The following MEGF8 variants were observed in gnomAD, a reference collection of about 807,000 sequenced individuals.
The protein encoded by MEGF8 is multiple EGF like domains 8.
In MEGF8, 156 loss-of-function variants were observed where a neutral mutation model predicts 302.9. The ratio of observed to expected loss-of-function variants is 0.52; its 90% CI spans 0.45 to 0.59. The LOEUF (loss-of-function observed/expected upper bound fraction) is 0.59, where lower values mean the gene tolerates loss of function less well. MEGF8 is among the 20% of genes least tolerant of loss of function. The pLI is 0.00. For synonymous variants in MEGF8, 1,621 were observed against 1,660.5 expected (o/e 0.98, Z 0.58); for missense variants, 3,345 against 3,964.5 (o/e 0.84, Z 4.20).
At chr19:42,338,326 A>T (rs764470827) in intron 8 of MEGF8, among the ~76,000 whole-genome samples, 41 of 149,850 alleles carry the variant, frequency 2.7e-4, no homozygotes, top group Middle Eastern at 3.5e-3. Context: ...TGCAACTTCC[A>T]CCTCCTGGGT....
In MEGF8 at chr19:42,362,224, G is replaced by C; in HGVS notation, c.5844+11G>C. The C allele has an allele frequency of 6.2e-7, 1 of 1,610,006 alleles. No homozygotes were observed. The highest frequency in any genetic ancestry group is 8.5e-7 in the Non-Finnish European group (1 of 1,179,272). On this transcript the variant is annotated intron_variant, in intron 33 of 41. Transcript: ENST00000251268. ...CCTGGAGATGGAGAGGTGAGTGGTG[G>C]GGAAGGCAGGGATGAGAAGCAGCAG...
chr19:42,353,901 G>A lies in MEGF8; in HGVS notation c.3888G>A (p.Gly1296=). Residue 1296 remains glycine (G), a synonymous_variant, in exon 22 of 42, where the codon GGG becomes GGA. Coordinates refer to ENST00000251268, the MANE Select transcript of MEGF8 (RefSeq NM_001271938.2). The surrounding 1 kb of genome is among the most constrained non-coding windows in gnomAD (Gnocchi z 6.1). The part of the protein sequence containing the change: ...LPPGGGAARA[G]PGLSYCVWVV... ...CAGGTGGCGGGGCTGCAAGAGCCGG[G>A]CCTGGCCTGTCCTACTGTGTGTGGG... 2 of 1,593,070 alleles carry A rather than the reference G, an allele frequency of 1.3e-6. No individual in the cohort carries two copies. Among genetic ancestry groups the A allele is most frequent in the Non-Finnish European group, 1.7e-6 (2 of 1,170,028 alleles).
chr19:42,357,406 C>A lies in MEGF8; in HGVS notation c.4833C>A (p.Ala1611=). The change falls in exon 28 of 42, where the codon GCC becomes GCA. Residue 1611 remains alanine (A), a splice_region_variant and synonymous_variant. Coordinates refer to ENST00000251268, the MANE Select transcript of MEGF8 (RefSeq NM_001271938.2). The surrounding 1 kb of genome is among the most constrained non-coding windows in gnomAD (Gnocchi z 5.2). ...GACCTTGCCCCTCCATCCCTCAGGC[C>A]CCCCAGACCGTGGAGCTGCCAGCCG... The part of the protein sequence containing the change: ...LTTLQWRQEK[A]PQTVELPAVA... 6.2e-7 allele frequency: 1 copy of A among 1,612,862 alleles called. No homozygotes were observed. The highest frequency in any genetic ancestry group is 8.5e-7 in the Non-Finnish European group (1 of 1,179,274).
At position 42,344,793 on chromosome 19, in the gene MEGF8, T is replaced by C; in HGVS notation, c.2057T>C (p.Leu686Pro). The C allele has an allele frequency of 6.2e-7, 1 of 1,608,206 alleles. No homozygotes were observed. Residue 686 changes from leucine (L) to proline (P), a missense_variant, in exon 12 of 42, where the codon CTC (leucine) becomes CCC (proline). Leu to Pro is a moderately conservative substitution (Grantham distance 98). Transcript: ENST00000251268. The surrounding 1 kb of genome is among the most constrained non-coding windows in gnomAD (Gnocchi z 4.5). ...TQSFLPGLHL[L>P]TFQQPPNTSQ... ...AGCTTCCTGCCTGGCCTGCACTTGC[T>C]CACCTTTCAGCAGCCGCCCAATACC...
chr19:42,376,948 C>A lies in MEGF8; in HGVS notation c.*173C>A. ...TGTTCTGCATTCAGCAGCTATTTAT[C>A]GAGTACCTACTCTGTCAGGCACTGT... is the stretch of plus-strand genomic sequence containing the variant. On this transcript the variant is annotated 3_prime_UTR_variant, in exon 42 of 42. Transcript: ENST00000251268. The surrounding 1 kb of genome is among the most constrained non-coding windows in gnomAD (Gnocchi z 8.2). The A allele has an allele frequency of 1.6e-6, 1 of 621,244 alleles. No homozygotes were observed. Among genetic ancestry groups the A allele is most frequent in the Non-Finnish European group, 2.5e-6 (1 of 401,330 alleles). 38.5% of individuals were successfully genotyped at this position (621,244 alleles called of 1,614,324 possible).
intron 1 of MEGF8, among the ~76,000 whole-genome samples, chr19:42,326,785 C>T (rs950819530): frequency 6.7e-5 from 10 of 149,238 alleles, no homozygotes; most frequent in Admixed American, 5.3e-4. Flanking sequence ...CTCTGTCACC[C>T]AGGCTGGAGT....
intron 35 of MEGF8, among the ~76,000 whole-genome samples, chr19:42,364,380 C>T (rs544816615): frequency 4.2e-4 from 64 of 152,328 alleles, no homozygotes; most frequent in South Asian, 8.3e-4. Flanking sequence ...GAGCCCACTC[C>T]TCATTCATAC....
At chr19:42,363,737 G>A (rs911206775) in intron 35 of MEGF8, among the ~76,000 whole-genome samples, 4 of 152,014 alleles carry the variant, frequency 2.6e-5, no homozygotes, top group Middle Eastern at 3.4e-3. Context: ...ACACTCCCTC[G>A]AGCTGGTTTT....
In MEGF8 at chr19:42,336,351, G is replaced by A; in HGVS notation, c.1244+5G>A. The A allele has an allele frequency of 6.3e-7, 1 of 1,586,358 alleles. No homozygotes were observed. Among genetic ancestry groups the A allele is most frequent in the South Asian group, 1.1e-5 (1 of 88,028 alleles). ...ACACCGGCCCTCCACTGCCCGGTAAGTGACCTGTCCCATAACCCATGCTCC... is the reference window on the plus strand; with the variant it reads ...ACACCGGCCCTCCACTGCCCGGTAAATGACCTGTCCCATAACCCATGCTCC... On this transcript the variant is annotated splice_donor_5th_base_variant and intron_variant, in intron 6 of 41. Transcript: ENST00000251268. The surrounding 1 kb of genome is among the most constrained non-coding windows in gnomAD (Gnocchi z 4.8).
At position 42,344,048 on chromosome 19, in the gene MEGF8, C is replaced by G. The variant is rs779646470; in HGVS notation, c.1763C>G (p.Pro588Arg). 3.1e-6 allele frequency: 5 copies of G among 1,613,670 alleles called. No individual in the cohort carries two copies. In the South Asian group the frequency reaches 5.5e-5, roughly 18 times the overall value. The change falls in exon 10 of 42, where the codon CCC becomes CGC. Residue 588 changes from proline (P) to arginine (R), a missense_variant. Coordinates refer to ENST00000251268, the MANE Select transcript of MEGF8 (RefSeq NM_001271938.2). This position sits in a 1 kb window ranked among gnomAD's most constrained non-coding sequence, Gnocchi z 4.5. ...SWCQGACQAAPPPGTPLGACP... is the reference protein window; with the variant it reads ...SWCQGACQAARPPGTPLGACP... ...TGCCAAGGAGCCTGCCAAGCTGCAC[C>G]CCCTCCTGGGACCCCCTTGGGGGCT...
intron 14 of MEGF8, 71 bp downstream of exon 14, chr19:42,349,770 C>A: frequency 1.3e-6 from 2 of 1,492,982 alleles, no homozygotes; most frequent in Non-Finnish European, 1.8e-6. Context: ...CTTTCTGAAC[C>A]CCAGGCCACA....
At chr19:42,341,284 G>C (rs994356636) in intron 8 of MEGF8, among the ~76,000 whole-genome samples, 3 of 152,014 alleles carry the variant, frequency 2.0e-5, no homozygotes, top group African/African-American at 7.3e-5. Flanking sequence ...ACAAAAATTA[G>C]CTGGCGTGGT....
In MEGF8 at chr19:42,353,169, C is replaced by T. The variant is rs1234961959; in HGVS notation, c.3550+42C>T. On this transcript the variant is annotated intron_variant, in intron 20 of 41. Transcript: ENST00000251268. This position sits in a 1 kb window ranked among gnomAD's most constrained non-coding sequence, Gnocchi z 6.1. Reference sequence around the variant, plus strand: ...CTGGGCCCAGCCTGGACCCAGGGAGCCTCCTCCCTTCTTGGGGCTCCAGTT... The same window carrying T: ...CTGGGCCCAGCCTGGACCCAGGGAGTCTCCTCCCTTCTTGGGGCTCCAGTT... 1 of 1,481,736 alleles carries T rather than the reference C, an allele frequency of 6.7e-7. No homozygotes were observed. 91.8% of individuals were successfully genotyped at this position (1,481,736 alleles called of 1,614,324 possible).
chr19:42,353,643 G>A lies in MEGF8; in HGVS notation c.3729G>A (p.Gln1243=), dbSNP rs775693098. 6.3e-7 allele frequency: 1 copy of A among 1,581,314 alleles called. No homozygotes were observed. Among genetic ancestry groups the A allele is most frequent in the Non-Finnish European group, 8.6e-7 (1 of 1,161,496 alleles). ...CQDHTEGAHC[Q]LCSPGYYGDP... Reference sequence around the variant, plus strand: ...ACCACACCGAGGGTGCCCACTGCCAGCTCTGCTCCCCAGGCTATTATGGGG... The same window carrying A: ...ACCACACCGAGGGTGCCCACTGCCAACTCTGCTCCCCAGGCTATTATGGGG... Residue 1243 remains glutamine, a synonymous_variant, in exon 21 of 42, where the codon CAG becomes CAA. Transcript: ENST00000251268. The surrounding 1 kb of genome is among the most constrained non-coding windows in gnomAD (Gnocchi z 6.1).
In MEGF8 at chr19:42,368,632, A is replaced by G; in HGVS notation, c.6451A>G (p.Met2151Val). The G allele has an allele frequency of 1.9e-6, 3 of 1,564,970 alleles. No individual in the cohort carries two copies. Among genetic ancestry groups the G allele is most frequent in the Non-Finnish European group, 2.6e-6 (3 of 1,155,708 alleles). Residue 2151 changes from methionine to valine, a missense_variant, in exon 36 of 42, where the codon ATG (methionine) becomes GTG (valine). Coordinates refer to ENST00000251268, the MANE Select transcript of MEGF8 (RefSeq NM_001271938.2). The surrounding 1 kb of genome is among the most constrained non-coding windows in gnomAD (Gnocchi z 4.9). Reference sequence around the variant, plus strand: ...GGGCCAGGATGGGGGTGGCCGCTGCATGGAGGGTGGACTCAGCGGCCCCCG... The same window carrying G: ...GGGCCAGGATGGGGGTGGCCGCTGCGTGGAGGGTGGACTCAGCGGCCCCCG... ...WGGQDGGGRC[M>V]EGGLSGPRDG...
At position 42,358,683 on chromosome 19, in the gene MEGF8, C is replaced by A; in HGVS notation, c.5176-104C>A. ...GCCCTGTCTGCACTGGTTAGAGAGG[C>A]TGGTGGTTTCAGTCCACACGTTTCC... On this transcript the variant is annotated intron_variant, in intron 29 of 41. Transcript: ENST00000251268. This position sits in a 1 kb window ranked among gnomAD's most constrained non-coding sequence, Gnocchi z 4.4. 7.5e-7 allele frequency: 1 copy of A among 1,339,856 alleles called. No homozygotes were observed. The highest frequency in any genetic ancestry group is 1.0e-6 in the Non-Finnish European group (1 of 1,001,402). The allele number at this position is 1,339,856 out of a possible 1,614,324, so 83.0% of individuals were successfully genotyped here. A position where few individuals can be genotyped will look rare whatever the true frequency, so the allele number is the denominator to read the frequency against.
At chr19:42,374,154 T>C (rs1036025579) in intron 41 of MEGF8, among the ~76,000 whole-genome samples, 6 of 151,806 alleles carry the variant, frequency 4.0e-5, no homozygotes, top group African/African-American at 1.5e-4. Flanking sequence ...CTCAGTGGGG[T>C]ACAGACTTAA....
In MEGF8 at chr19:42,344,381, C is replaced by T. The variant is rs1028551650; in HGVS notation, c.1789-60C>T. 5 of 1,520,600 alleles carry T rather than the reference C, an allele frequency of 3.3e-6. No homozygotes were observed. The African/African-American group carries it at 5.5e-5, about 17-fold the overall frequency. The allele number at this position is 1,520,600 out of a possible 1,614,324, so 94.2% of individuals were successfully genotyped here. A position where few individuals can be genotyped will look rare whatever the true frequency, so the allele number is the denominator to read the frequency against. ...GCAGGACCCTGTATCCACAGCCCTT[C>T]CTTCCCAGATCTCTTGAGCTCCAGT... On this transcript the variant is annotated intron_variant, in intron 10 of 41. Transcript: ENST00000251268. This position sits in a 1 kb window ranked among gnomAD's most constrained non-coding sequence, Gnocchi z 4.5.
Position 42,376,992 on chromosome 19 carries a change from C to G in MEGF8, c.*217C>G, listed in dbSNP as rs2039779222. On this transcript the variant is annotated 3_prime_UTR_variant, in exon 42 of 42. Coordinates refer to ENST00000251268, the MANE Select transcript of MEGF8 (RefSeq NM_001271938.2). This position sits in a 1 kb window ranked among gnomAD's most constrained non-coding sequence, Gnocchi z 8.2. ...GCACTGTCATAGGCGTGGGGCAAAG[C>G]AGGAACCAAGAGACGAGGTTCCCTG... 2.1e-6 allele frequency: 1 copy of G among 478,138 alleles called. No homozygotes were observed. Among genetic ancestry groups the G allele is most frequent in the African/African-American group, 2.0e-5 (1 of 49,886 alleles). The allele number at this position is 478,138 out of a possible 1,614,324, so 29.6% of individuals were successfully genotyped here. A position where few individuals can be genotyped will look rare whatever the true frequency, so the allele number is the denominator to read the frequency against.
Sources: allele counts gnomAD v4.1 joint callset (sites outside exome capture counted in the v4.1 genomes callset), GRCh38; gene constraint gnomAD v4.1.1; non-coding constraint Gnocchi (gnomAD v3.1); transcripts MANE v1.5; gene names NCBI Gene and HGNC (gene_info 2026-07-23, HGNC 2026-07-21).